Variants in CASD1 observed in about 807,000 individuals in gnomAD.
CASD1 encodes the protein CAS1 domain sialic acid O acetyltransferase 1.
CASD1 carries 41 observed loss-of-function variants against 100.0 expected under a neutral mutation model. The ratio of observed to expected loss-of-function variants is 0.41; its 90% CI spans 0.32 to 0.53. The LOEUF is 0.53. Among genes scored for constraint, CASD1 ranks in the 20% least tolerant of loss-of-function variants. The probability of loss-of-function intolerance (pLI) is 0.25; values close to 1 mark genes in which losing one functional copy is unlikely to be tolerated. For missense variants in CASD1, 774 were observed against 948.7 expected (o/e 0.82, Z 2.42); for synonymous variants, 321 against 315.6 (o/e 1.02, Z -0.18).
At chr7:94,584,467 A>G in the CASD1 span, among the ~76,000 whole-genome samples, 8 of 152,354 alleles carry the variant, frequency 5.3e-5, no homozygotes, top group South Asian at 1.7e-3. Context: ...CCTCTGTCCT[A>G]GAAAGAAGAG....
rs1414335978 is a variant in CASD1 at position 94,535,436 on chromosome 7, G to C, written c.756G>C (p.Lys252Asn). Residue 252 changes from lysine to asparagine, a missense_variant, in exon 8 of 18, where the codon AAG (lysine) becomes AAC (asparagine). By Grantham distance (94) the Lys-to-Asn change is moderately conservative. Transcript: ENST00000297273. ...SSTRNSKSNV[K>N]MFSVSKLIAQ... ...CCAGAAATTCTAAATCAAATGTTAA[G>C]ATGTTCAGTGTTTCCAAATTAATTG... 1 of 1,613,450 alleles carries C rather than the reference G, an allele frequency of 6.2e-7. No individual in the cohort carries two copies.
the CASD1 span, chr7:94,622,094 G>T: frequency 2.0e-5 from 3 of 152,134 alleles, no homozygotes; most frequent in African/African-American, 7.2e-5. Context: ...TCGTGTAAAA[G>T]TAATTTTTAA....
rs368084069 is a variant in CASD1 at position 94,518,220 on chromosome 7, T to C, written c.248T>C (p.Leu83Pro). 1.4e-5 allele frequency: 21 copies of C among 1,555,514 alleles called. No homozygotes were observed. Among genetic ancestry groups the C allele is most frequent in the Non-Finnish European group, 1.8e-5 (21 of 1,157,530 alleles). ...KYKISEAKNCLVDKHIAFIGD... is the reference protein window; with the variant it reads ...KYKISEAKNCPVDKHIAFIGD... ...GCTTTCAGTGAAGCAAAGAACTGCCTTGTAGATAAACATATTGCATTTATT... is the reference window on the plus strand; with the variant it reads ...GCTTTCAGTGAAGCAAAGAACTGCCCTGTAGATAAACATATTGCATTTATT... Residue 83 changes from leucine to proline, a missense_variant, in exon 3 of 18, where the codon CTT (leucine) becomes CCT (proline). Physicochemically the swap from Leu to Pro is moderately conservative, Grantham distance 98. Transcript: ENST00000297273.
intron 9 of CASD1, among the ~76,000 whole-genome samples, chr7:94,538,251 A>C (rs867421691): frequency 1.4e-4 from 22 of 152,180 alleles, no homozygotes; most frequent in African/African-American, 5.1e-4. Flanking sequence ...AAAGTAAAAG[A>C]ATATAATTAA....
chr7:94,541,179 T>C (rs1795374699), intron 10 of CASD1, among the ~76,000 whole-genome samples: 1 of 152,178 alleles, frequency 6.6e-6, no homozygotes, highest in East Asian at 1.9e-4. Flanking sequence ...TATATCTACA[T>C]AGGCAAAACA....
the CASD1 span, chr7:94,621,742 A>C: frequency 6.6e-6 from 1 of 152,198 alleles, no homozygotes; most frequent in Non-Finnish European, 1.5e-5. Context: ...TATTCTGCTC[A>C]TTAAGTGTAT....
chr7:94,563,827 G>A, the CASD1 span, among the ~76,000 whole-genome samples: 2 of 152,098 alleles, frequency 1.3e-5, no homozygotes, highest in African/African-American at 4.8e-5. Flanking sequence ...AATACAAGAT[G>A]CAGCAATGTG....
intron 1 of CASD1, among the ~76,000 whole-genome samples, chr7:94,516,464 C>A (rs1314039232): frequency 6.6e-6 from 1 of 152,144 alleles, no homozygotes; most frequent in African/African-American, 2.4e-5. Flanking sequence ...TGCTCAATAT[C>A]CTTTTTGTTC....
chr7:94,511,129 G>A (rs1054839453), intron 1 of CASD1, among the ~76,000 whole-genome samples: 2 of 152,154 alleles, frequency 1.3e-5, no homozygotes, highest in Non-Finnish European at 2.9e-5. Flanking sequence ...TGGGAGAGAG[G>A]CTGACAGGCA....
intron 16 of CASD1, chr7:94,553,084 A>G: frequency 7.3e-6 from 3 of 410,460 alleles, no homozygotes; most frequent in Non-Finnish European, 1.4e-5. Flanking sequence ...TTTAATTATA[A>G]TAACTCATTA....
rs544068383 is a variant in CASD1 at position 94,533,665 on chromosome 7, G to A, written c.505-14G>A. ...TAAATACTAAATTAATGCATAATTT[G>A]TACTTCTTTTTAGTGGTCCATCAAG... On this transcript the variant is annotated splice_polypyrimidine_tract_variant and intron_variant, in intron 6 of 17. Transcript: ENST00000297273. 1.9e-6 allele frequency: 3 copies of A among 1,578,472 alleles called. No homozygotes were observed. The highest frequency in any genetic ancestry group is 1.2e-5 in the South Asian group (1 of 84,688).
the CASD1 span, among the ~76,000 whole-genome samples, chr7:94,596,526 C>A: frequency 2.3e-4 from 35 of 152,116 alleles, no homozygotes; most frequent in Non-Finnish European, 4.6e-4. Context: ...GTTACCTATT[C>A]TGACCTTTTC....
chr7:94,534,584 G>A (rs1795026906), intron 7 of CASD1, among the ~76,000 whole-genome samples: 1 of 152,184 alleles, frequency 6.6e-6, no homozygotes, highest in Middle Eastern at 3.4e-3. Flanking sequence ...TAGACATTAG[G>A]ATAACTCATT....
At chr7:94,587,013 G>C in the CASD1 span, 1 of 982,932 alleles carries the variant, frequency 1.0e-6, no homozygotes, top group Non-Finnish European at 1.2e-6. Flanking sequence ...AAACAAGAAG[G>C]TAATAGGCTC....
intron 9 of CASD1, 50 bp downstream of exon 9, chr7:94,537,944 A>T: frequency 9.9e-7 from 1 of 1,012,984 alleles, no homozygotes; most frequent in Non-Finnish European, 1.5e-6. Context: ...GTCTCATTAC[A>T]TACTCTGTGT....
the CASD1 span, chr7:94,599,666 T>C: frequency 1.2e-6 from 2 of 1,600,360 alleles, no homozygotes; most frequent in Middle Eastern, 1.7e-4. Flanking sequence ...GAAAAAATGA[T>C]GAAGAAAATA....
chr7:94,599,552 A>G, the CASD1 span: 2 of 712,608 alleles, frequency 2.8e-6, no homozygotes, highest in African/African-American at 1.8e-5. Context: ...AAATATCTCT[A>G]TTTAGAAAGC....
At chr7:94,541,743 A>G (rs1463665608) in intron 10 of CASD1, among the ~76,000 whole-genome samples, 1 of 151,956 alleles carries the variant, frequency 6.6e-6, no homozygotes, top group East Asian at 1.9e-4. Context: ...TAATACAGCA[A>G]AATAATAGAG....
the CASD1 span, among the ~76,000 whole-genome samples, chr7:94,596,870 G>A: frequency 2.6e-5 from 4 of 151,894 alleles, no homozygotes; most frequent in African/African-American, 7.3e-5. Context: ...TCACTGGCAC[G>A]CTAGGGTAAA....
Sources: allele counts gnomAD v4.1 joint callset (sites outside exome capture counted in the v4.1 genomes callset), GRCh38; gene constraint gnomAD v4.1.1; transcripts MANE v1.5; gene names NCBI Gene and HGNC (gene_info 2026-07-23, HGNC 2026-07-21).